Variants in WDPCP observed in about 807,000 individuals in gnomAD.
WDPCP encodes the protein WD repeat-containing and planar cell polarity effector protein fritz homolog.
WDPCP carries 71 observed loss-of-function variants against 93.1 expected under a neutral mutation model. That is an observed-to-expected ratio of 0.76 (90% CI 0.63 to 0.93). The LOEUF (loss-of-function observed/expected upper bound fraction) is 0.93. WDPCP is among the 40% of genes least tolerant of loss of function. The pLI is 0.00. For synonymous variants in WDPCP, 315 were observed against 315.0 expected, an observed-to-expected ratio of 1.00 and a Z score of 0.00; for missense variants, 844 against 887.4, an observed-to-expected ratio of 0.95 and a Z score of 0.62.
chr2:63,222,859 A>G (rs1192549804), intron 14 of WDPCP, among the ~76,000 whole-genome samples: 1 of 150,286 alleles, frequency 6.7e-6, no homozygotes, highest in Non-Finnish European at 1.5e-5. Context: ...GTCATTAATA[A>G]TATGTGTACA....
intron 1 of WDPCP, among the ~76,000 whole-genome samples, chr2:63,528,024 A>G (rs1703487443): frequency 6.6e-6 from 1 of 152,050 alleles, no homozygotes; most frequent in South Asian, 2.1e-4. Context: ...TCTTCTTTTG[A>G]GAAGTGTCTA....
intron 1 of WDPCP, among the ~76,000 whole-genome samples, chr2:63,817,141 G>A (rs982583303): frequency 1.3e-5 from 2 of 148,550 alleles, no homozygotes; most frequent in Non-Finnish European, 3.0e-5. Context: ...TCAGAGTCTC[G>A]CTCTGTCACC....
At chr2:63,410,977 C>CT (rs1694981601) in intron 9 of WDPCP, among the ~76,000 whole-genome samples, 1 of 152,102 alleles carries the variant, frequency 6.6e-6, no homozygotes, top group African/African-American at 2.4e-5. Context: ...CAGCACTAGA[C>CT]AGGTCATCAA....
At chr2:63,599,904 C>CA (rs891332249) in intron 3 of WDPCP, 12 of 152,202 alleles carry the variant, frequency 7.9e-5, no homozygotes, top group Non-Finnish European at 2.9e-5. Context: ...AATAGCTTTT[C>CA]AAAAAATTAG....
chr2:63,464,130 C>T (rs1015479392), intron 6 of WDPCP, among the ~76,000 whole-genome samples: 3 of 151,976 alleles, frequency 2.0e-5, no homozygotes, highest in Non-Finnish European at 4.4e-5. Flanking sequence ...AGAGTTAATC[C>T]TCAAAATACA....
chr2:63,751,919 C>T, intron 2 of WDPCP: 1 of 682,012 alleles, frequency 1.5e-6, no homozygotes, highest in Non-Finnish European at 2.7e-6. Context: ...TTATAGCCAT[C>T]CCCACTGCCA....
intron 9 of WDPCP, among the ~76,000 whole-genome samples, chr2:63,413,752 C>A (rs1252714501): frequency 6.6e-6 from 1 of 152,008 alleles, no homozygotes; most frequent in Non-Finnish European, 1.5e-5. Context: ...GAGCCAAGAT[C>A]CAGCCTGGGC....
At chr2:63,599,922 G>A (rs937346484) in intron 3 of WDPCP, 11 of 152,320 alleles carry the variant, frequency 7.2e-5, no homozygotes, top group African/African-American at 2.4e-4. Context: ...TAGAAGCCAG[G>A]CAACTGATCT....
intron 12 of WDPCP, among the ~76,000 whole-genome samples, chr2:63,370,569 A>G (rs1415984230): frequency 1.3e-5 from 2 of 152,200 alleles, no homozygotes; most frequent in Non-Finnish European, 2.9e-5. Context: ...AAAGGACTAA[A>G]AAAAAACAAC....
chr2:63,484,117 T>C (rs932782132), intron 6 of WDPCP, among the ~76,000 whole-genome samples: 3 of 152,004 alleles, frequency 2.0e-5, no homozygotes, highest in Admixed American at 6.6e-5. Flanking sequence ...GTGGCTACCA[T>C]AGTAAACAGC....
chr2:63,768,884 T>C (rs189237592), intron 2 of WDPCP, among the ~76,000 whole-genome samples: 36 of 152,142 alleles, frequency 2.4e-4, no homozygotes, highest in Admixed American at 2.0e-3. Flanking sequence ...CAGTCAATGA[T>C]GTCCTCAGAA....
intron 2 of WDPCP, among the ~76,000 whole-genome samples, chr2:63,740,537 GCTGT>G (rs908324769): frequency 4.3e-4 from 65 of 152,254 alleles, no homozygotes; most frequent in African/African-American, 1.3e-3. Flanking sequence ...TAGTGAATTT[GCTGT>G]CTAAGTGAAT....
chr2:63,596,762 T>C (rs1709320535), intron 3 of WDPCP, among the ~76,000 whole-genome samples: 1 of 152,222 alleles, frequency 6.6e-6, no homozygotes, highest in Non-Finnish European at 1.5e-5. Flanking sequence ...ACTTATGTTC[T>C]TTAGTCAAAA....
At chr2:63,835,851 CTTTAT>C in the WDPCP span, among the ~76,000 whole-genome samples, 15 of 152,092 alleles carry the variant, frequency 9.9e-5, no homozygotes. Context: ...AGAATCTTCT[CTTTAT>C]TTTATTTTTA....
At chr2:63,724,690 A>C (rs969932242) in intron 2 of WDPCP, among the ~76,000 whole-genome samples, 2 of 152,238 alleles carry the variant, frequency 1.3e-5, no homozygotes, top group African/African-American at 4.8e-5. Flanking sequence ...GAGGAAACCC[A>C]AATGGAAAAG....
At chr2:63,264,804 C>T (rs1180505977) in intron 13 of WDPCP, among the ~76,000 whole-genome samples, 1 of 152,112 alleles carries the variant, frequency 6.6e-6, no homozygotes, top group Non-Finnish European at 1.5e-5. Flanking sequence ...GAACATTCTT[C>T]AGAACATATG....
At chr2:63,423,439 C>T (rs1696022775) in intron 9 of WDPCP, among the ~76,000 whole-genome samples, 1 of 152,104 alleles carries the variant, frequency 6.6e-6, no homozygotes, top group Non-Finnish European at 1.5e-5. Context: ...TGAAAAATCC[C>T]TGGAAAATTA....
chr2:63,742,061 C>T (rs1320801610), intron 2 of WDPCP, among the ~76,000 whole-genome samples: 2 of 152,062 alleles, frequency 1.3e-5, no homozygotes, highest in Non-Finnish European at 2.9e-5. Flanking sequence ...TGTGCTTGGG[C>T]TTGACTCAGT....
intron 13 of WDPCP, among the ~76,000 whole-genome samples, chr2:63,262,588 A>G (rs1227439241): frequency 6.6e-6 from 1 of 151,706 alleles, no homozygotes; most frequent in Non-Finnish European, 1.5e-5. Flanking sequence ...ATACCCATAT[A>G]TAGATGGTTC....
Sources: allele counts gnomAD v4.1 joint callset (sites outside exome capture counted in the v4.1 genomes callset), GRCh38; gene constraint gnomAD v4.1.1; transcripts MANE v1.5; gene names NCBI Gene and HGNC (gene_info 2026-07-23, HGNC 2026-07-21).